The following NKAIN3 variants were observed in gnomAD, a reference collection of about 807,000 sequenced individuals.
NKAIN3 encodes sodium/potassium-transporting ATPase subunit beta-1-interacting protein 3.
NKAIN3 carries 25 observed loss-of-function variants against 30.2 expected under a neutral mutation model. That is an observed-to-expected ratio of 0.83 (90% CI 0.60 to 1.16). NKAIN3 has a LOEUF of 1.16. Among genes scored for constraint, NKAIN3 ranks in the 50% most tolerant of loss-of-function variants. The pLI is 0.00. For synonymous variants in NKAIN3, 91 were observed against 89.6 expected (o/e 1.02, Z -0.09); for missense variants, 225 against 254.1 (o/e 0.89, Z 0.78).
At chr8:62,524,887 C>T (rs1585905440) in intron 1 of NKAIN3, among the ~76,000 whole-genome samples, 2 of 152,090 alleles carry the variant, frequency 1.3e-5, no homozygotes, top group East Asian at 3.9e-4. Context: ...AATAGCTACA[C>T]TAGTTTGATG....
intron 4 of NKAIN3, among the ~76,000 whole-genome samples, chr8:62,902,038 G>A (rs980570125): frequency 2.0e-5 from 3 of 152,220 alleles, no homozygotes; most frequent in African/African-American, 7.2e-5. Flanking sequence ...GGTGGTGCCT[G>A]ACTGCCTAAG....
At chr8:62,410,724 A>G (rs537760162) in intron 1 of NKAIN3, among the ~76,000 whole-genome samples, 1 of 152,226 alleles carries the variant, frequency 6.6e-6, no homozygotes, top group Non-Finnish European at 1.5e-5. Flanking sequence ...CTCAGAGTAT[A>G]CTATGAACAA....
intron 3 of NKAIN3, among the ~76,000 whole-genome samples, chr8:62,625,353 T>TG (rs1811759273): frequency 6.6e-6 from 1 of 152,098 alleles, no homozygotes; most frequent in African/African-American, 2.4e-5. Flanking sequence ...ATGTAACAGA[T>TG]AAGGAAGCTA....
chr8:62,918,437 T>C lies in NKAIN3; in HGVS notation c.472-16T>C. The C allele has an allele frequency of 1.2e-6, 2 of 1,602,670 alleles. No homozygotes were observed. Among genetic ancestry groups the C allele is most frequent in the Non-Finnish European group, 1.7e-6 (2 of 1,169,952 alleles). On this transcript the variant is annotated splice_polypyrimidine_tract_variant and intron_variant, in intron 4 of 6. Transcript: ENST00000623646. ...TGGCATAGATTCTTAAGGTACACAT[T>C]TTTTCCCTTTTGCAGTTGGTGGGTT...
intron 1 of NKAIN3, among the ~76,000 whole-genome samples, chr8:62,278,121 A>G (rs16928636): frequency 0.053 from 8,116 of 152,224 alleles, 253 homozygotes; most frequent in Admixed American, 0.087. Context: ...GGGCCGCCAC[A>G]CATGCCTGGA....
intron 4 of NKAIN3, chr8:62,855,440 T>C (rs770134508): frequency 3.5e-6 from 4 of 1,157,402 alleles, no homozygotes; most frequent in Non-Finnish European, 5.2e-6. Flanking sequence ...TTCTGAATAC[T>C]TCATCTTGGG....
intron 4 of NKAIN3, among the ~76,000 whole-genome samples, chr8:62,803,109 T>C (rs532976409): frequency 1.5e-4 from 23 of 152,260 alleles, no homozygotes; most frequent in African/African-American, 4.8e-4. Flanking sequence ...CCCAGATTCA[T>C]AAAGCAAGTC....
At chr8:62,518,862 C>A (rs10092099) in intron 1 of NKAIN3, among the ~76,000 whole-genome samples, 5,004 of 152,142 alleles carry the variant, frequency 0.033, 235 homozygotes, top group African/African-American at 0.11. Context: ...TTTCTGCTAA[C>A]TAGCTTCAGG....
At chr8:62,435,698 G>C (rs1302248771) in intron 1 of NKAIN3, among the ~76,000 whole-genome samples, 2 of 152,072 alleles carry the variant, frequency 1.3e-5, no homozygotes, top group African/African-American at 4.8e-5. Flanking sequence ...CCAAGATTAT[G>C]AAGTGATATA....
chr8:62,508,158 T>C (rs1678454207), intron 1 of NKAIN3, among the ~76,000 whole-genome samples: 1 of 152,156 alleles, frequency 6.6e-6, no homozygotes, highest in Admixed American at 6.6e-5. Context: ...TGTGAAAACC[T>C]GGGAAGAATC....
chr8:62,422,028 A>G (rs899498898), intron 1 of NKAIN3, among the ~76,000 whole-genome samples: 1 of 152,134 alleles, frequency 6.6e-6, no homozygotes, highest in Non-Finnish European at 1.5e-5. Flanking sequence ...GCAGGTTTTT[A>G]GGAATATTGC....
At chr8:62,933,828 A>G (rs1331419782) in intron 5 of NKAIN3, among the ~76,000 whole-genome samples, 1 of 152,194 alleles carries the variant, frequency 6.6e-6, no homozygotes, top group African/African-American at 2.4e-5. Flanking sequence ...CTCCTGAATA[A>G]AAGGTTCCTC....
intron 4 of NKAIN3, among the ~76,000 whole-genome samples, chr8:62,890,123 C>T (rs963757025): frequency 4.6e-5 from 7 of 152,182 alleles, no homozygotes; most frequent in African/African-American, 1.7e-4. Context: ...TCCACAACTA[C>T]CCTTCTTCAA....
At chr8:62,554,385 C>A (rs746186041) in intron 1 of NKAIN3, among the ~76,000 whole-genome samples, 3 of 152,100 alleles carry the variant, frequency 2.0e-5, no homozygotes, top group Non-Finnish European at 2.9e-5. Flanking sequence ...ATAGAAGAAT[C>A]TTTTAATGAA....
At chr8:62,346,067 G>A (rs1815995583) in intron 1 of NKAIN3, among the ~76,000 whole-genome samples, 2 of 152,194 alleles carry the variant, frequency 1.3e-5, no homozygotes, top group African/African-American at 2.4e-5. Context: ...AGAGGCAGGG[G>A]AGGAGAGAGT....
intron 4 of NKAIN3, among the ~76,000 whole-genome samples, chr8:62,875,612 G>A (rs1182139334): frequency 6.6e-6 from 1 of 152,130 alleles, no homozygotes; most frequent in African/African-American, 2.4e-5. Context: ...TCATAGTCCT[G>A]GTACCAAAAC....
At chr8:62,809,599 A>G (rs1231664429) in intron 4 of NKAIN3, among the ~76,000 whole-genome samples, 2 of 152,180 alleles carry the variant, frequency 1.3e-5, no homozygotes, top group Non-Finnish European at 2.9e-5. Context: ...AAACAATTGT[A>G]TAGGTTCTTA....
At chr8:62,990,399 G>GTT (rs138702093) in intron 5 of NKAIN3, 258 of 1,184,550 alleles carry the variant, frequency 2.2e-4, no homozygotes, top group Middle Eastern at 6.0e-4. Context: ...AAAAGCATAG[G>GTT]TTTTTTTTTA....
chr8:62,549,745 A>T (rs1809133039), intron 1 of NKAIN3, among the ~76,000 whole-genome samples: 1 of 151,652 alleles, frequency 6.6e-6, no homozygotes, highest in African/African-American at 2.4e-5. Flanking sequence ...CTCTTAAATA[A>T]TCTGCCTTGC....
Sources: allele counts gnomAD v4.1 joint callset (sites outside exome capture counted in the v4.1 genomes callset), GRCh38; gene constraint gnomAD v4.1.1; transcripts MANE v1.5; gene names NCBI Gene and HGNC (gene_info 2026-07-23, HGNC 2026-07-21).